The following BEST3 variants were observed in gnomAD, a reference collection of about 807,000 sequenced individuals.
The protein encoded by BEST3 is bestrophin-3.
Under a neutral mutation model 47.1 loss-of-function variants are expected in BEST3, and 50 were observed. That is an observed-to-expected ratio of 1.06 (90% CI 0.85 to 1.34). The LOEUF (loss-of-function observed/expected upper bound fraction) is 1.34. Among genes scored for constraint, BEST3 ranks in the 40% most tolerant of loss-of-function variants. The pLI, the probability that BEST3 is intolerant of heterozygous loss-of-function variation, is 0.00. For missense variants in BEST3, 765 were observed against 817.0 expected (o/e 0.94, Z 0.78); for synonymous variants, 282 against 298.8 (o/e 0.94, Z 0.58).
At chr12:69,693,241 C>CTT (rs1182535333) in intron 4 of BEST3, among the ~76,000 whole-genome samples, 1 of 137,418 alleles carries the variant, frequency 7.3e-6, no homozygotes, top group East Asian at 2.4e-4. Flanking sequence ...TTCTCTCTCT[C>CTT]TCTCTTTTTT....
intron 7 of BEST3, among the ~76,000 whole-genome samples, chr12:69,673,868 A>G (rs1884735264): frequency 6.6e-6 from 1 of 152,194 alleles, no homozygotes; most frequent in Non-Finnish European, 1.5e-5. Flanking sequence ...CCAGTAAGTT[A>G]GTTTTCCTGC....
At chr12:69,696,279 A>T (rs1886129148) in intron 2 of BEST3, among the ~76,000 whole-genome samples, 1 of 152,166 alleles carries the variant, frequency 6.6e-6, no homozygotes, top group South Asian at 2.1e-4. Context: ...ATATGCATAA[A>T]ATGTTGTGGG....
At chr12:69,650,893 A>AT (rs368201201), downstream of BEST3, among the ~76,000 whole-genome samples, 2 of 152,180 alleles carry the variant, frequency 1.3e-5, no homozygotes, top group African/African-American at 4.8e-5. Context: ...GGAAAAAAAA[A>AT]CCAAGAGAGA....
chr12:69,679,024 T>C, intron 4 of BEST3, 131 bp from the exon 5 acceptor site: 1 of 780,842 alleles, frequency 1.3e-6, no homozygotes, highest in Non-Finnish European at 2.0e-6. Flanking sequence ...GCTTCCTGTC[T>C]CAAGTAGTTT....
intron 4 of BEST3, among the ~76,000 whole-genome samples, chr12:69,688,495 T>G (rs554897113): frequency 6.6e-6 from 1 of 152,360 alleles, no homozygotes; most frequent in African/African-American, 2.4e-5. Flanking sequence ...CATCAAATTA[T>G]ATATATTTCC....
At chr12:69,680,466 G>C (rs903294437) in intron 4 of BEST3, among the ~76,000 whole-genome samples, 2 of 151,668 alleles carry the variant, frequency 1.3e-5, no homozygotes, top group African/African-American at 4.8e-5. Context: ...CTGCCACCAC[G>C]CCCGGCTAAG....
chr12:69,677,329 G>A, intron 5 of BEST3, 72 bp from the exon 6 acceptor site: 1 of 1,318,936 alleles, frequency 7.6e-7, no homozygotes, highest in Non-Finnish European at 1.1e-6. Flanking sequence ...CTGGGACTCA[G>A]AATGTGAGCA....
downstream of BEST3, among the ~76,000 whole-genome samples, chr12:69,651,356 C>T (rs1883204069): frequency 6.6e-6 from 1 of 152,202 alleles, no homozygotes; most frequent in South Asian, 2.1e-4. Flanking sequence ...AGAACGCAGA[C>T]TTGTTCAAAT....
intron 4 of BEST3, among the ~76,000 whole-genome samples, chr12:69,688,495 T>C (rs554897113): frequency 5.9e-5 from 9 of 152,242 alleles, no homozygotes; most frequent in South Asian, 2.1e-4. Context: ...CATCAAATTA[T>C]ATATATTTCC....
At chr12:69,675,240 C>T (rs1884837467) in intron 7 of BEST3, among the ~76,000 whole-genome samples, 1 of 152,180 alleles carries the variant, frequency 6.6e-6, no homozygotes, top group African/African-American at 2.4e-5. Context: ...CCACCTCAGC[C>T]TCCCACGTAT....
rs1886189347 is a variant in BEST3, at chr12:69,697,766, A to AT, written c.32dup (p.Asn11LysfsTer9). The AT allele has an allele frequency of 6.2e-7, 1 of 1,612,788 alleles. No homozygotes were observed. The highest frequency in any genetic ancestry group is 1.7e-5 in the Admixed American group (1 of 59,774). On this transcript the variant is annotated frameshift_variant, in exon 2 of 10. Coordinates refer to ENST00000330891, the MANE Select transcript of BEST3 (RefSeq NM_032735.3). LOFTEE classifies it high-confidence loss of function. ...ACCTATGAAATCCAAAAAAAGTTGC[A>AT]TTTGCTACTTTACTGGAGTAAGTGA...
At position 69,654,420 on chromosome 12, in the gene BEST3, A is replaced by G. The variant is rs894124936; in HGVS notation, c.*487T>C. On this transcript the variant is annotated 3_prime_UTR_variant, in exon 10 of 10. Transcript: ENST00000330891. ...GGAATGAGATGGTTAGAAAGCCTCA[A>G]ACAAAAACGTTAGGAAGGAGGGGAT... 5 of 986,048 alleles carry G rather than the reference A, an allele frequency of 5.1e-6. No individual in the cohort carries two copies. The highest frequency in any genetic ancestry group is 4.8e-6 in the Non-Finnish European group (4 of 830,498). 61.1% of individuals were successfully genotyped at this position (986,048 alleles called of 1,614,324 possible).
In BEST3 at chr12:69,694,604, A is replaced by G. The variant is rs151225769; in HGVS notation, c.153-140T>C. On this transcript the variant is annotated intron_variant, in intron 2 of 9. Coordinates refer to ENST00000330891, the MANE Select transcript of BEST3 (RefSeq NM_032735.3). Reference sequence around the variant, plus strand: ...CAATAATTTTTTCCTTTTTTCTTAAACTGATGTGTCTCAAAAGCTTTTTAA... The same window carrying G: ...CAATAATTTTTTCCTTTTTTCTTAAGCTGATGTGTCTCAAAAGCTTTTTAA... 2.1e-5 allele frequency: 9 copies of G among 425,606 alleles called. No homozygotes were observed. The East Asian group carries it at 3.5e-4, about 16-fold the overall frequency. The allele number at this position is 425,606 out of a possible 1,614,324, so 26.4% of individuals were successfully genotyped here. A position where few individuals can be genotyped will look rare whatever the true frequency, so the allele number is the denominator to read the frequency against.
chr12:69,664,152 A>C (rs1355527018), intron 9 of BEST3, among the ~76,000 whole-genome samples: 1 of 152,178 alleles, frequency 6.6e-6, no homozygotes, highest in Non-Finnish European at 1.5e-5. Flanking sequence ...TTTGAAGCTG[A>C]TTTTTAACAT....
At chr12:69,675,146 G>T (rs1026960632) in intron 7 of BEST3, among the ~76,000 whole-genome samples, 4 of 151,352 alleles carry the variant, frequency 2.6e-5, no homozygotes, top group African/African-American at 7.3e-5. Context: ...TTTAGACAGG[G>T]TCTTGCTCTG....
At chr12:69,656,450 A>G (rs572641623) in intron 9 of BEST3, among the ~76,000 whole-genome samples, 3 of 151,870 alleles carry the variant, frequency 2.0e-5, no homozygotes, top group Non-Finnish European at 4.4e-5. Context: ...ATTAAGGCCA[A>G]GTTTCCCAAG....
chr12:69,654,463 A>G lies in BEST3; in HGVS notation c.*444T>C, dbSNP rs1163582384. 1.0e-6 allele frequency: 1 copy of G among 987,754 alleles called. No individual in the cohort carries two copies. Among genetic ancestry groups the G allele is most frequent in the Non-Finnish European group, 1.2e-6 (1 of 831,524 alleles). The allele number at this position is 987,754 out of a possible 1,614,324, so 61.2% of individuals were successfully genotyped here. On this transcript the variant is annotated 3_prime_UTR_variant, in exon 10 of 10. Transcript: ENST00000330891. ...GAGGGGATCTTTCAGGCATTAGGTG[A>G]TCCATCTCCTTTCTTTATGGCTAAA...
chr12:69,657,175 A>C (rs558420177), intron 9 of BEST3, among the ~76,000 whole-genome samples: 3 of 149,818 alleles, frequency 2.0e-5, no homozygotes, highest in Non-Finnish European at 4.5e-5. Flanking sequence ...GGCTCACTGC[A>C]ACCTCTGTCT....
downstream of BEST3, among the ~76,000 whole-genome samples, chr12:69,652,485 A>T (rs1392829432): frequency 6.6e-6 from 1 of 152,246 alleles, no homozygotes; most frequent in Non-Finnish European, 1.5e-5. Flanking sequence ...GTTTGATTTT[A>T]TAGCTGAATT....
Sources: gnomAD v4.1 joint callset for allele counts (sites outside exome capture counted in the v4.1 genomes callset) on GRCh38, gnomAD v4.1.1 for gene constraint, MANE v1.5 for transcripts, NCBI Gene and HGNC (gene_info 2026-07-23, HGNC 2026-07-21) for gene names.